LARS2: variants seen among roughly 807,000 people sequenced by gnomAD.
LARS2 encodes the protein leucine--tRNA ligase, mitochondrial.
In LARS2, 81 loss-of-function variants were observed where a neutral mutation model predicts 116.6. That is an observed-to-expected ratio of 0.69 (90% CI 0.58 to 0.84). The LOEUF is 0.84. LARS2 is among the 40% of genes least tolerant of loss of function. The probability of loss-of-function intolerance (pLI) is 0.00; values close to 1 mark genes in which losing one functional copy is unlikely to be tolerated. For synonymous variants in LARS2, 396 were observed against 407.2 expected, an observed-to-expected ratio of 0.97 and a Z score of 0.33; for missense variants, 968 against 1,114.5, an observed-to-expected ratio of 0.87 and a Z score of 1.87.
intron 20 of LARS2, among the ~76,000 whole-genome samples, chr3:45,529,699 C>G (rs1034731565): frequency 2.0e-5 from 3 of 152,178 alleles, no homozygotes; most frequent in Non-Finnish European, 4.4e-5. Flanking sequence ...CAGAAATTCT[C>G]TGGGTCTTCT....
chr3:45,434,851 A>G (rs1292295802), intron 6 of LARS2, among the ~76,000 whole-genome samples: 6 of 152,148 alleles, frequency 3.9e-5, no homozygotes, highest in African/African-American at 1.4e-4. Context: ...TGCTGGAAGG[A>G]TGGAAGTACA....
chr3:45,394,125 G>A (rs1196300124), intron 2 of LARS2, among the ~76,000 whole-genome samples: 1 of 152,202 alleles, frequency 6.6e-6, no homozygotes, highest in Non-Finnish European at 1.5e-5. Context: ...ATGGGGAGGG[G>A]AGGGAGGGCA....
chr3:45,495,796 A>G (rs1417599491), intron 13 of LARS2, among the ~76,000 whole-genome samples: 1 of 152,238 alleles, frequency 6.6e-6, no homozygotes, highest in African/African-American at 2.4e-5. Context: ...AAATTTCTTT[A>G]AAACATCGCA....
chr3:45,454,391 C>CA (rs372425127), intron 7 of LARS2, among the ~76,000 whole-genome samples: 1 of 151,620 alleles, frequency 6.6e-6, no homozygotes, highest in Non-Finnish European at 1.5e-5. Context: ...ATCACTCAAG[C>CA]AAAAAAATAT....
At chr3:45,472,358 A>G (rs1056813256) in intron 8 of LARS2, among the ~76,000 whole-genome samples, 27 of 152,170 alleles carry the variant, frequency 1.8e-4, no homozygotes, top group African/African-American at 6.3e-4. Context: ...TGTGGTGGCA[A>G]GTTTGTCCCC....
chr3:45,514,617 G>A (rs980964146), intron 16 of LARS2, among the ~76,000 whole-genome samples: 8 of 152,148 alleles, frequency 5.3e-5, no homozygotes, highest in African/African-American at 1.2e-4. Flanking sequence ...CAGTTTGTGC[G>A]CTACACAAAA....
chr3:45,528,420 G>A (rs190970092), intron 20 of LARS2, among the ~76,000 whole-genome samples: 28 of 152,224 alleles, frequency 1.8e-4, no homozygotes, highest in African/African-American at 6.3e-4. Flanking sequence ...GTTGTGTTGT[G>A]TTTTGTCATG....
At chr3:45,506,509 T>G (rs1559491462) in intron 15 of LARS2, among the ~76,000 whole-genome samples, 2 of 152,134 alleles carry the variant, frequency 1.3e-5, no homozygotes. Context: ...CAGGATTTCC[T>G]AGTCTAGTTC....
intron 6 of LARS2, among the ~76,000 whole-genome samples, chr3:45,436,740 G>C (rs1406874553): frequency 2.7e-5 from 4 of 149,406 alleles, no homozygotes; most frequent in Non-Finnish European, 4.4e-5. Flanking sequence ...CTTGCAGTGA[G>C]CCGAGATTGC....
intron 4 of LARS2, among the ~76,000 whole-genome samples, chr3:45,403,128 A>G (rs866027823): frequency 1.3e-5 from 2 of 151,136 alleles, no homozygotes; most frequent in Admixed American, 6.6e-5. Flanking sequence ...AAAAAAAAAA[A>G]AAAGAAAGAT....
intron 4 of LARS2, among the ~76,000 whole-genome samples, chr3:45,415,603 T>C (rs1698399806): frequency 6.6e-6 from 1 of 151,996 alleles, no homozygotes; most frequent in Non-Finnish European, 1.5e-5. Flanking sequence ...ATCCCAGCAC[T>C]TTGGGAGGCC....
intron 13 of LARS2, among the ~76,000 whole-genome samples, chr3:45,495,919 G>A (rs1346909860): frequency 6.6e-6 from 1 of 151,918 alleles, no homozygotes; most frequent in African/African-American, 2.4e-5. Flanking sequence ...GAGTGCAATG[G>A]CACGATCTTG....
intron 20 of LARS2, among the ~76,000 whole-genome samples, chr3:45,535,356 T>TAAAA (rs377184295): frequency 7.5e-6 from 1 of 134,152 alleles, no homozygotes; most frequent in Non-Finnish European, 1.6e-5. Flanking sequence ...CTGTCTCAAT[T>TAAAA]AAAAAAAAAA....
intron 15 of LARS2, among the ~76,000 whole-genome samples, chr3:45,505,219 A>G (rs1442647113): frequency 1.3e-5 from 2 of 152,064 alleles, no homozygotes; most frequent in African/African-American, 4.8e-5. Flanking sequence ...TAGCTACTCC[A>G]GAAGCTGAGA....
intron 13 of LARS2, among the ~76,000 whole-genome samples, 180 bp from the exon 14 acceptor site, chr3:45,496,095 G>A (rs1010545289): frequency 6.6e-6 from 1 of 152,060 alleles, no homozygotes; most frequent in South Asian, 2.1e-4. Context: ...TTTTGACCTC[G>A]TGATCCACCC....
At chr3:45,476,970 A>G (rs9864954) in intron 10 of LARS2, among the ~76,000 whole-genome samples, 137,682 of 152,106 alleles carry the variant, frequency 0.91, 63,888 homozygotes, top group East Asian at 1. Context: ...GAATCTTCTC[A>G]TAATTTATAA....
chr3:45,439,568 A>G (rs1268228021), intron 6 of LARS2, among the ~76,000 whole-genome samples: 1 of 151,360 alleles, frequency 6.6e-6, no homozygotes, highest in Non-Finnish European at 1.5e-5. Context: ...TAGCTGCCTA[A>G]TGAAGTTTAT....
chr3:45,484,630 A>AAAAAATATATATATATATATAT (rs1553634443), intron 10 of LARS2, among the ~76,000 whole-genome samples: 1 of 9,744 alleles, frequency 1.0e-4, no homozygotes, highest in Non-Finnish European at 3.2e-4. Context: ...AAAAAAAAAA[A>AAAAAATATATATATATATATAT]ATATATATAT....
At chr3:45,443,362 T>C (rs1441888687) in intron 6 of LARS2, among the ~76,000 whole-genome samples, 1 of 152,232 alleles carries the variant, frequency 6.6e-6, no homozygotes, top group Non-Finnish European at 1.5e-5. Context: ...AGACTCAAAA[T>C]AGCTGTTTTT....
Sources: allele counts gnomAD v4.1 joint callset (sites outside exome capture counted in the v4.1 genomes callset), GRCh38; gene constraint gnomAD v4.1.1; transcripts MANE v1.5; gene names NCBI Gene and HGNC (gene_info 2026-07-23, HGNC 2026-07-21).